The following PPP2R2B variants were observed in gnomAD, a reference collection of about 807,000 sequenced individuals.
PPP2R2B encodes the protein serine/threonine-protein phosphatase 2A 55 kDa regulatory subunit B beta isoform.
In PPP2R2B, 5 loss-of-function variants were observed where a neutral mutation model predicts 46.0. The observed-to-expected ratio is 0.11, with a 90% CI of 0.06 to 0.23. PPP2R2B has a LOEUF of 0.23. Among genes scored for constraint, PPP2R2B ranks in the 10% least tolerant of loss-of-function variants. PPP2R2B has a pLI of 1.00. For missense variants in PPP2R2B, 367 were observed against 575.0 expected, an observed-to-expected ratio of 0.64 and a Z score of 3.70; for synonymous variants, 215 against 206.7, an observed-to-expected ratio of 1.04 and a Z score of -0.34.
At chr5:147,043,144 T>C (rs1369994292) in intron 1 of PPP2R2B, among the ~76,000 whole-genome samples, 1 of 152,128 alleles carries the variant, frequency 6.6e-6, no homozygotes, top group African/African-American at 2.4e-5. Flanking sequence ...AACTCCCTGT[T>C]CCTGGCTGAA....
chr5:146,861,887 TC>T (rs1761027950), intron 2 of PPP2R2B, among the ~76,000 whole-genome samples: 1 of 150,294 alleles, frequency 6.7e-6, no homozygotes, highest in Non-Finnish European at 1.5e-5. Context: ...GCTGCTTTCA[TC>T]CCCCTCATAG....
chr5:146,745,594 G>T (rs532351000), intron 2 of PPP2R2B, among the ~76,000 whole-genome samples: 12 of 152,288 alleles, frequency 7.9e-5, no homozygotes, highest in African/African-American at 1.9e-4. Flanking sequence ...TTGAACTTCA[G>T]TTTCCCCACA....
intron 5 of PPP2R2B, among the ~76,000 whole-genome samples, chr5:146,670,909 G>T (rs1777320965): frequency 6.6e-6 from 1 of 152,036 alleles, no homozygotes; most frequent in South Asian, 2.1e-4. Flanking sequence ...CAAAAAAGAA[G>T]AAAATTATAA....
At chr5:146,699,815 A>G (rs1346213774) in intron 3 of PPP2R2B, among the ~76,000 whole-genome samples, 1 of 152,060 alleles carries the variant, frequency 6.6e-6, no homozygotes, top group Non-Finnish European at 1.5e-5. Context: ...AAGAGTGTTG[A>G]TTTGCTACCA....
At chr5:147,014,486 C>CAAAA (rs1386482337) in intron 1 of PPP2R2B, among the ~76,000 whole-genome samples, 1 of 152,018 alleles carries the variant, frequency 6.6e-6, no homozygotes, top group Non-Finnish European at 1.5e-5. Context: ...GGAACCAACA[C>CAAAA]AAATGTCCAA....
At chr5:146,931,445 GT>G (rs746472138) in intron 1 of PPP2R2B, among the ~76,000 whole-genome samples, 4 of 152,080 alleles carry the variant, frequency 2.6e-5, no homozygotes, top group Non-Finnish European at 5.9e-5. Context: ...TAAATGGGCA[GT>G]GCTGTTTTGA....
chr5:147,016,325 A>G (rs2151881905), intron 1 of PPP2R2B, among the ~76,000 whole-genome samples: 1 of 150,706 alleles, frequency 6.6e-6, no homozygotes, highest in East Asian at 2.1e-4. Flanking sequence ...ACACAGTAAG[A>G]CTCTGTCTCA....
chr5:146,731,134 G>T (rs1752204035), intron 2 of PPP2R2B, among the ~76,000 whole-genome samples: 1 of 152,222 alleles, frequency 6.6e-6, no homozygotes, highest in East Asian at 1.9e-4. Flanking sequence ...ATCATATTTT[G>T]TTATTCTTCT....
chr5:147,077,185 G>A (rs1295255124), intron 2 of PPP2R2B, among the ~76,000 whole-genome samples: 2 of 133,428 alleles, frequency 1.5e-5, no homozygotes, highest in African/African-American at 3.1e-5. Context: ...GTATAATATT[G>A]TATATTATAT....
At chr5:146,592,094 G>C (rs966408225) in intron 9 of PPP2R2B, 7 of 438,194 alleles carry the variant, frequency 1.6e-5, no homozygotes, top group Admixed American at 1.2e-4. Flanking sequence ...TTTTTCCCAT[G>C]GTGGATTTTG....
At chr5:146,866,186 G>A (rs148370782) in intron 2 of PPP2R2B, among the ~76,000 whole-genome samples, 1 of 152,104 alleles carries the variant, frequency 6.6e-6, no homozygotes, top group Non-Finnish European at 1.5e-5. Context: ...CCCTGCTCTA[G>A]AACATCGACA....
rs1023005143 is a variant in PPP2R2B at position 146,999,733 on chromosome 5, T to C, written c.79+55932A>G. Among the ~76,000 whole-genome samples the C allele has an allele frequency of 8.8e-4, 134 of 152,246 alleles. 2 individuals are homozygous for C. Among genetic ancestry groups the C allele is most frequent in the Non-Finnish European group, 1.8e-3 (121 of 68,012 alleles). On this transcript the variant is annotated intron_variant, in intron 1 of 8. Transcript: ENST00000336640. Reference sequence around the variant, plus strand: ...CATGTTACTGACCACACTTGGTCAGTTGAATGGGTGGGAAGCAGTGCAATA... The same window carrying C: ...CATGTTACTGACCACACTTGGTCAGCTGAATGGGTGGGAAGCAGTGCAATA...
Position 146,747,170 on chromosome 5 carries a change from C to T in PPP2R2B, c.71-46028G>A, listed in dbSNP as rs76708539. ...AAAAAAAAGGTCCAGTACCCCATTC[C>T]TAATCATCCTCTGCTATCGCTGAGT... is the stretch of plus-strand genomic sequence containing the variant. On this transcript the variant is annotated intron_variant, in intron 2 of 9. Transcript: ENST00000394411. 9.9e-4 allele frequency among the ~76,000 whole-genome samples: 151 copies of T among 152,302 alleles called. 2 individuals carry two copies. In the East Asian group the frequency reaches 0.028, roughly 28 times the overall value.
chr5:146,696,014 T>C (rs1418179390), intron 4 of PPP2R2B, among the ~76,000 whole-genome samples: 1 of 152,244 alleles, frequency 6.6e-6, no homozygotes, highest in East Asian at 1.9e-4. Context: ...AAAAACTCAA[T>C]TAACAGAATA....
chr5:146,635,234 G>A (rs552897690), intron 7 of PPP2R2B, among the ~76,000 whole-genome samples: 1 of 151,486 alleles, frequency 6.6e-6, no homozygotes, highest in East Asian at 1.9e-4. Context: ...TCAGAGCTGA[G>A]TTCTGATTCC....
At chr5:147,027,877 T>A (rs1294450059) in intron 1 of PPP2R2B, among the ~76,000 whole-genome samples, 1 of 152,178 alleles carries the variant, frequency 6.6e-6, no homozygotes, top group Non-Finnish European at 1.5e-5. Flanking sequence ...CTTTCAATTA[T>A]TGGTGCTTAA....
chr5:146,986,977 A>G (rs1267471681), intron 1 of PPP2R2B, among the ~76,000 whole-genome samples: 1 of 152,154 alleles, frequency 6.6e-6, no homozygotes, highest in Non-Finnish European at 1.5e-5. Flanking sequence ...CTCAAATGTC[A>G]AAAACAAAGG....
intron 1 of PPP2R2B, chr5:146,922,689 G>A (rs1418168051): frequency 2.6e-5 from 4 of 152,236 alleles, no homozygotes; most frequent in African/African-American, 9.6e-5. Context: ...TATAGCCCAT[G>A]TGCTTGGAGG....
At chr5:146,805,335 C>T (rs931085554) in intron 2 of PPP2R2B, among the ~76,000 whole-genome samples, 1 of 152,166 alleles carries the variant, frequency 6.6e-6, no homozygotes, top group African/African-American at 2.4e-5. Flanking sequence ...TCACCCCTCC[C>T]CCCAACTCTT....
Sources: gnomAD v4.1 joint callset for allele counts (sites outside exome capture counted in the v4.1 genomes callset) on GRCh38, gnomAD v4.1.1 for gene constraint, MANE v1.5 for transcripts, NCBI Gene and HGNC (gene_info 2026-07-23, HGNC 2026-07-21) for gene names.